The following PCDHGB3 variants were observed in gnomAD, a reference collection of about 807,000 sequenced individuals.
The protein encoded by PCDHGB3 is protocadherin gamma-B3.
In PCDHGB3, 40 loss-of-function variants were observed where a neutral mutation model predicts 59.2. The ratio of observed to expected loss-of-function variants is 0.68; its 90% CI spans 0.52 to 0.88. The LOEUF (loss-of-function observed/expected upper bound fraction) is 0.88, where lower values mean the gene tolerates loss of function less well. PCDHGB3 is among the 40% of genes least tolerant of loss of function. The pLI, the probability that PCDHGB3 is intolerant of heterozygous loss-of-function variation, is 0.00. For missense variants in PCDHGB3, 1,309 were observed against 1,187.9 expected (o/e 1.10, Z -1.50); for synonymous variants, 581 against 503.6 (o/e 1.15, Z -2.06).
intron 1 of PCDHGB3, among the ~76,000 whole-genome samples, chr5:141,472,688 A>G (rs970538300): frequency 2.0e-5 from 3 of 151,384 alleles, no homozygotes; most frequent in African/African-American, 7.3e-5. Context: ...CATTTCCCCT[A>G]GAAATAAGTG....
chr5:141,422,876 G>A (rs2096681830), intron 1 of PCDHGB3: 1 of 1,614,248 alleles, frequency 6.2e-7, no homozygotes, highest in Non-Finnish European at 8.5e-7. Context: ...GTGTCGCTGA[G>A]CCTGTTCGTG....
Position 141,491,574 on chromosome 5 carries a change from T to G in PCDHGB3, c.2416-3233T>G. Reference sequence around the variant, plus strand: ...AGAGCCACTGCTACAGGACGTGCTTTTCACCGGCCTCGGACGGCAGTGACT... The same window carrying G: ...AGAGCCACTGCTACAGGACGTGCTTGTCACCGGCCTCGGACGGCAGTGACT... On this transcript the variant is annotated intron_variant, in intron 1 of 3. Transcript: ENST00000576222. This position sits in a 1 kb window ranked among gnomAD's most constrained non-coding sequence, Gnocchi z 6.9. The G allele has an allele frequency of 6.2e-7, 1 of 1,613,956 alleles. No homozygotes were observed. Among genetic ancestry groups the G allele is most frequent in the Non-Finnish European group, 8.5e-7 (1 of 1,180,032 alleles).
chr5:141,421,291 G>C, intron 1 of PCDHGB3: 1 of 1,613,364 alleles, frequency 6.2e-7, no homozygotes, highest in Middle Eastern at 1.6e-4. Context: ...CATTTTCCTG[G>C]GGACGCTGCG....
In PCDHGB3 at chr5:141,372,253, G is replaced by A. The variant is rs1768545048; in HGVS notation, c.1859G>A (p.Gly620Asp). Reference sequence around the variant, plus strand: ...AGCGAGCCCGGGCTGTTCAGCCTGGGCCTGCGCACGGGTGAGGTGCGCACG... The same window carrying A: ...AGCGAGCCCGGGCTGTTCAGCCTGGACCTGCGCACGGGTGAGGTGCGCACG... ...QASEPGLFSL[G>D]LRTGEVRTAR... Residue 620 changes from glycine to aspartate, a missense_variant, in exon 1 of 4, where the codon GGC (glycine) becomes GAC (aspartate). Transcript: ENST00000576222. 1.2e-6 allele frequency: 2 copies of A among 1,613,040 alleles called. No individual in the cohort carries two copies. Among genetic ancestry groups the A allele is most frequent in the African/African-American group, 2.7e-5 (2 of 74,940 alleles).
chr5:141,394,252 A>G, intron 1 of PCDHGB3: 1 of 1,613,902 alleles, frequency 6.2e-7, no homozygotes, highest in Non-Finnish European at 8.5e-7. Flanking sequence ...CACGACCCCG[A>G]CAGCCAGGAG....
rs1330784633 is a variant in PCDHGB3 at position 141,476,330 on chromosome 5, G to A, written c.2416-18477G>A. On this transcript the variant is annotated intron_variant, in intron 1 of 3. Transcript: ENST00000576222. This position sits in a 1 kb window ranked among gnomAD's most constrained non-coding sequence, Gnocchi z 7.6. ...CCGCAGGTTCCGGGTGGTGTCTGGA[G>A]CTAGCCGAAGATTCTTTGAGGTGAA... The A allele has an allele frequency of 1.2e-6, 2 of 1,614,092 alleles. No homozygotes were observed. The highest frequency in any genetic ancestry group is 1.6e-4 in the Middle Eastern group (1 of 6,084).
Position 141,371,584 on chromosome 5 carries a change from A to C in PCDHGB3, c.1190A>C (p.Asp397Ala). ...KGNFPFKIVQ[D>A]TKNTYRLVTD... The stretch of plus-strand genomic sequence containing the variant: ...AACTTCCCCTTTAAAATCGTTCAAG[A>C]TACCAAAAACACATACAGGTTGGTG... The change falls in exon 1 of 4, where the codon GAT becomes GCT. Residue 397 changes from aspartate (D) to alanine (A), a missense_variant. Asp to Ala is a moderately radical substitution (Grantham distance 126). Transcript: ENST00000576222. 1 of 1,613,962 alleles carries C rather than the reference A, an allele frequency of 6.2e-7. No homozygotes were observed. Among genetic ancestry groups the C allele is most frequent in the Non-Finnish European group, 8.5e-7 (1 of 1,179,856 alleles).
intron 1 of PCDHGB3, among the ~76,000 whole-genome samples, chr5:141,484,207 A>G (rs898823095): frequency 2.6e-5 from 4 of 152,218 alleles, no homozygotes; most frequent in Non-Finnish European, 5.9e-5. Context: ...ATCTATGAAC[A>G]TTAGCATTCT....
rs763303627 is a variant in PCDHGB3 at position 141,489,719 on chromosome 5, C to T, written c.2416-5088C>T. The T allele has an allele frequency of 1.4e-5, 22 of 1,613,946 alleles. No homozygotes were observed. The highest frequency in any genetic ancestry group is 9.3e-5 in the African/African-American group (7 of 74,924). On this transcript the variant is annotated intron_variant, in intron 1 of 3. Coordinates refer to ENST00000576222, the MANE Select transcript of PCDHGB3 (RefSeq NM_018924.5). The surrounding 1 kb of genome is among the most constrained non-coding windows in gnomAD (Gnocchi z 4.5). ...TTCCCACTGGACAGTGCCCAGGATCCGGATGTGGGCACCAATACTGTGAGC... is the reference window on the plus strand; with the variant it reads ...TTCCCACTGGACAGTGCCCAGGATCTGGATGTGGGCACCAATACTGTGAGC...
At chr5:141,469,438 G>T (rs2099201339) in intron 1 of PCDHGB3, among the ~76,000 whole-genome samples, 1 of 152,112 alleles carries the variant, frequency 6.6e-6, no homozygotes, top group African/African-American at 2.4e-5. Flanking sequence ...AGCTGGGCGT[G>T]GTGGTGCACA....
intron 1 of PCDHGB3, among the ~76,000 whole-genome samples, chr5:141,436,478 A>G (rs1360229764): frequency 2.0e-5 from 3 of 152,220 alleles, no homozygotes; most frequent in Non-Finnish European, 4.4e-5. Context: ...TGTATCATAG[A>G]AGGATAGCAG....
At chr5:141,418,940 C>G in intron 1 of PCDHGB3, 9 of 1,614,012 alleles carry the variant, frequency 5.6e-6, no homozygotes, top group Non-Finnish European at 6.8e-6. Context: ...GGAGGATTCC[C>G]CTCCAGGAGT....
chr5:141,471,058 T>C (rs991869999), intron 1 of PCDHGB3, among the ~76,000 whole-genome samples: 2 of 149,826 alleles, frequency 1.3e-5, no homozygotes, highest in Non-Finnish European at 3.0e-5. Context: ...TTTTTTTTTT[T>C]TTTTTTTTGA....
At position 141,413,133 on chromosome 5, in the gene PCDHGB3, C is replaced by T. The variant is rs765215473; in HGVS notation, c.2415+40324C>T. The stretch of plus-strand genomic sequence containing the variant: ...CAAAGGAACCGGTTGAAACACACAA[C>T]GTGTCCAGTGAGGACTTTGCAGAAT... On this transcript the variant is annotated intron_variant, in intron 1 of 3. Transcript: ENST00000576222. 1.1e-5 allele frequency: 17 copies of T among 1,542,110 alleles called. No individual in the cohort carries two copies. In the East Asian group the frequency reaches 3.2e-4, roughly 29 times the overall value.
At chr5:141,421,009 T>C (rs948913987) in intron 1 of PCDHGB3, 1 of 515,496 alleles carries the variant, frequency 1.9e-6, no homozygotes, top group East Asian at 3.2e-5. Flanking sequence ...AATCAGGGAA[T>C]GGGAAGCTGC....
At chr5:141,422,142 G>T in intron 1 of PCDHGB3, 1 of 1,583,694 alleles carries the variant, frequency 6.3e-7, no homozygotes, top group Non-Finnish European at 8.5e-7. Flanking sequence ...TTCAAGTACG[G>T]GGGTCTCTGG....
intron 1 of PCDHGB3, chr5:141,378,618 ATGAC>A (rs1399279904): frequency 2.6e-5 from 4 of 152,254 alleles, no homozygotes; most frequent in African/African-American, 7.2e-5. Context: ...CTAAAAATAG[ATGAC>A]TGACTGGTGA....
In PCDHGB3 at chr5:141,392,992, C is replaced by A. The variant is rs1233401263; in HGVS notation, c.2415+20183C>A. ...CTGGGGCTGGACCCCCGGAAGCTGG[C>A]GAAGCACGGAGTCCGTATCGTCTCC... is the stretch of plus-strand genomic sequence containing the variant. On this transcript the variant is annotated intron_variant, in intron 1 of 3. Transcript: ENST00000576222. 5 of 1,613,818 alleles carry A rather than the reference C, an allele frequency of 3.1e-6. No homozygotes were observed. The Admixed American group carries it at 5.0e-5, about 16-fold the overall frequency.
rs976135607 is a variant in PCDHGB3 at position 141,489,115 on chromosome 5, C to A, written c.2416-5692C>A. ...CTAAGAACTGCTGCAAGCAGGCAAA[C>A]CTCCGAGCAGTTTTTAAGAGGCTGG... On this transcript the variant is annotated intron_variant, in intron 1 of 3. Coordinates refer to ENST00000576222, the MANE Select transcript of PCDHGB3 (RefSeq NM_018924.5). This position sits in a 1 kb window ranked among gnomAD's most constrained non-coding sequence, Gnocchi z 4.5. 7.3e-5 allele frequency: 37 copies of A among 506,794 alleles called. No homozygotes were observed. Among genetic ancestry groups the A allele is most frequent in the Non-Finnish European group, 1.2e-4 (35 of 298,604 alleles). 31.4% of individuals were successfully genotyped at this position (506,794 alleles called of 1,614,324 possible).
Sources: gnomAD v4.1 joint callset for allele counts (sites outside exome capture counted in the v4.1 genomes callset) on GRCh38, gnomAD v4.1.1 for gene constraint, Gnocchi (gnomAD v3.1) non-coding constraint, MANE v1.5 for transcripts, NCBI Gene and HGNC (gene_info 2026-07-23, HGNC 2026-07-21) for gene names.